SLC7A2: variants seen among roughly 807,000 people sequenced by gnomAD.
The protein encoded by SLC7A2 is cationic amino acid transporter 2.
A neutral mutation model predicts 58.9 loss-of-function variants in SLC7A2; 48 were observed. The observed-to-expected ratio is 0.82, with a 90% CI of 0.65 to 1.04. SLC7A2 has a LOEUF of 1.04. SLC7A2 is among the 50% of genes least tolerant of loss of function. The pLI, the probability that SLC7A2 is intolerant of heterozygous loss-of-function variation, is 0.00. For synonymous variants in SLC7A2, 363 were observed against 314.5 expected (o/e 1.15, Z -1.63); for missense variants, 1,029 against 818.8 (o/e 1.26, Z -3.13).
chr8:17,565,596 C>T lies in SLC7A2; in HGVS notation c.*450C>T, dbSNP rs1351821360. On this transcript the variant is annotated 3_prime_UTR_variant, in exon 13 of 13. Transcript: ENST00000494857. ...AGTTGGGGAAATACTAGTAGCTTTA[C>T]CTTGTTTGACTTCATTAATGTCAGT... 6.5e-6 allele frequency: 1 copy of T among 154,176 alleles called. No homozygotes were observed. Among genetic ancestry groups the T allele is most frequent in the Non-Finnish European group, 1.4e-5 (1 of 69,380 alleles). The allele number at this position is 154,176 out of a possible 1,614,324, so 9.6% of individuals were successfully genotyped here. A position where few individuals can be genotyped will look rare whatever the true frequency, so the allele number is the denominator to read the frequency against.
At chr8:17,524,150 T>C (rs1006213317) in intron 2 of SLC7A2, among the ~76,000 whole-genome samples, 1 of 152,164 alleles carries the variant, frequency 6.6e-6, no homozygotes, top group Admixed American at 6.5e-5. Context: ...TTTTACACTG[T>C]TGGTGGGAAT....
intron 5 of SLC7A2, among the ~76,000 whole-genome samples, chr8:17,550,061 G>T (rs1277500570): frequency 1.3e-5 from 2 of 152,140 alleles, no homozygotes; most frequent in Non-Finnish European, 2.9e-5. Flanking sequence ...CAGGTCTGGG[G>T]CTTCTACATG....
chr8:17,549,237 G>T (rs1802329373), intron 5 of SLC7A2, among the ~76,000 whole-genome samples: 1 of 152,224 alleles, frequency 6.6e-6, no homozygotes, highest in African/African-American at 2.4e-5. Flanking sequence ...ATGAGATTGG[G>T]TGGGGACACA....
Position 17,532,259 on chromosome 8 carries a change from AC to A in SLC7A2, c.-22-11055del, listed in dbSNP as rs1196712384. The stretch of plus-strand genomic sequence containing the variant: ...AAAAAAAAAAAAAAAAAAAAAAAAA[AC>A]CCCAGCAATTCTAGGGAGGAATAAT... On this transcript the variant is annotated intron_variant, in intron 2 of 12. Coordinates refer to ENST00000494857, the MANE Select transcript of SLC7A2 (RefSeq NM_001370338.1). 1.1e-3 allele frequency among the ~76,000 whole-genome samples: 42 copies of A among 36,586 alleles called. 2 individuals carry two copies. Among genetic ancestry groups the A allele is most frequent in the Non-Finnish European group, 2.6e-3 (30 of 11,324 alleles). 24.0% of individuals were successfully genotyped at this position (36,586 alleles called of 152,430 possible).
intron 1 of SLC7A2, chr8:17,500,571 T>C (rs545793711): frequency 6.6e-6 from 1 of 152,394 alleles, no homozygotes; most frequent in East Asian, 1.9e-4. Context: ...TATACCTATG[T>C]AACAAACCTG....
At chr8:17,533,417 A>G (rs1341600131) in intron 2 of SLC7A2, among the ~76,000 whole-genome samples, 3 of 152,242 alleles carry the variant, frequency 2.0e-5, no homozygotes, top group Non-Finnish European at 4.4e-5. Flanking sequence ...CTGAAAATGA[A>G]TGTGAATTCT....
intron 2 of SLC7A2, among the ~76,000 whole-genome samples, chr8:17,542,657 A>AAAAAAAAAG (rs78569276): frequency 2.0e-5 from 3 of 150,052 alleles, no homozygotes; most frequent in Non-Finnish European, 4.5e-5. Context: ...TCTCAAAAAA[A>AAAAAAAAAG]AAAGAAAAAG....
intron 2 of SLC7A2, 124 bp from the exon 3 acceptor site, chr8:17,543,194 A>G (rs1585238364): frequency 1.5e-6 from 1 of 670,086 alleles, no homozygotes; most frequent in South Asian, 2.2e-5. Context: ...AGTGAAACAC[A>G]CACACACACA....
At chr8:17,522,371 A>G (rs1043662001) in intron 2 of SLC7A2, among the ~76,000 whole-genome samples, 3 of 152,156 alleles carry the variant, frequency 2.0e-5, no homozygotes, top group Non-Finnish European at 4.4e-5. Flanking sequence ...GGGAGCTACA[A>G]TTCAAGATGA....
intron 2 of SLC7A2, among the ~76,000 whole-genome samples, chr8:17,513,672 A>G (rs1800690916): frequency 1.3e-5 from 2 of 152,182 alleles, no homozygotes; most frequent in African/African-American, 4.8e-5. Flanking sequence ...TTAATTGATC[A>G]TTTTTACAAG....
chr8:17,552,913 T>A lies in SLC7A2; in HGVS notation c.1055+927T>A, dbSNP rs1465235757. Among the ~76,000 whole-genome samples the A allele has an allele frequency of 2.6e-5, 4 of 152,226 alleles. No individual in the cohort carries two copies. The East Asian group carries it at 7.7e-4, about 29-fold the overall frequency. On this transcript the variant is annotated intron_variant, in intron 7 of 12. Coordinates refer to ENST00000494857, the MANE Select transcript of SLC7A2 (RefSeq NM_001370338.1). ...AACTGAAAATAAGGTTCTGAAAGTC[T>A]GAAACTAGAAAAAGAAGTCTTTTAG...
rs1337010049 is a variant in SLC7A2, at chr8:17,569,999, C to T, written c.*4853C>T. 6.6e-6 allele frequency: 1 copy of T among 152,166 alleles called. No individual in the cohort carries two copies. Among genetic ancestry groups the T allele is most frequent in the Non-Finnish European group, 1.5e-5 (1 of 68,044 alleles). 9.4% of individuals were successfully genotyped at this position (152,166 alleles called of 1,614,324 possible). ...TCAAATGCAAGTAAGGTAGTTTGGGCTCCTTAATTCCAAACATCCCATGAG... is the reference window on the plus strand; with the variant it reads ...TCAAATGCAAGTAAGGTAGTTTGGGTTCCTTAATTCCAAACATCCCATGAG... On this transcript the variant is annotated 3_prime_UTR_variant, in exon 13 of 13. Coordinates refer to ENST00000494857, the MANE Select transcript of SLC7A2 (RefSeq NM_001370338.1).
At chr8:17,563,980 C>T (rs1420727936) in intron 12 of SLC7A2, among the ~76,000 whole-genome samples, 2 of 152,110 alleles carry the variant, frequency 1.3e-5, no homozygotes, top group Non-Finnish European at 2.9e-5. Context: ...TATATCAACC[C>T]AAAACTCACA....
In SLC7A2 at chr8:17,560,422, C is replaced by G. The variant is rs1439189685; in HGVS notation, c.1393C>G (p.Gln465Glu). The G allele has an allele frequency of 6.2e-7, 1 of 1,614,022 alleles. No homozygotes were observed. Among genetic ancestry groups the G allele is most frequent in the Non-Finnish European group, 8.5e-7 (1 of 1,179,912 alleles). Residue 465 changes from glutamine (Q) to glutamate (E), a missense_variant, in exon 10 of 13, where the codon CAG becomes GAG. Coordinates refer to ENST00000494857, the MANE Select transcript of SLC7A2 (RefSeq NM_001370338.1). The stretch of plus-strand genomic sequence containing the variant: ...CAGGGTAACCTCGAAGAGTGAGTCC[C>G]AGGTCACCATGCTGCAGAGACAGGG... ...SPRVTSKSES[Q>E]VTMLQRQGFS...
intron 2 of SLC7A2, among the ~76,000 whole-genome samples, chr8:17,535,572 G>C (rs907351008): frequency 6.6e-6 from 1 of 152,168 alleles, no homozygotes; most frequent in Non-Finnish European, 1.5e-5. Flanking sequence ...TCAAGTATTT[G>C]GGGGAACGAA....
At chr8:17,558,493 C>A in intron 9 of SLC7A2, 96 bp downstream of exon 9, 1 of 689,764 alleles carries the variant, frequency 1.4e-6, no homozygotes, top group Non-Finnish European at 2.5e-6. Context: ...AGGGAGCCAG[C>A]AGTCTCACCA....
intron 1 of SLC7A2, among the ~76,000 whole-genome samples, chr8:17,500,948 A>G (rs1226456666): frequency 1.3e-5 from 2 of 152,104 alleles, no homozygotes; most frequent in Non-Finnish European, 2.9e-5. Flanking sequence ...TAGTAATGGA[A>G]ACTGTTATAT....
At chr8:17,536,722 G>A (rs150394220) in intron 2 of SLC7A2, among the ~76,000 whole-genome samples, 11 of 152,292 alleles carry the variant, frequency 7.2e-5, no homozygotes, top group Non-Finnish European at 1.3e-4. Context: ...GGAAAGAAGA[G>A]GAATTCCCAG....
intron 2 of SLC7A2, among the ~76,000 whole-genome samples, chr8:17,523,976 AT>A (rs1446031794): frequency 6.6e-6 from 1 of 152,196 alleles, no homozygotes; most frequent in East Asian, 1.9e-4. Flanking sequence ...AGAAGATAAA[AT>A]AATGGCCAAC....
Sources: allele counts gnomAD v4.1 joint callset (sites outside exome capture counted in the v4.1 genomes callset), GRCh38; gene constraint gnomAD v4.1.1; transcripts MANE v1.5; gene names NCBI Gene and HGNC (gene_info 2026-07-23, HGNC 2026-07-21).